FRMD4B: variants seen among roughly 807,000 people sequenced by gnomAD.
FRMD4B encodes FERM domain containing 4B, also known as FERM domain-containing protein 4B.
A neutral mutation model predicts 141.5 loss-of-function variants in FRMD4B; 74 were observed. The observed-to-expected ratio is 0.52, with a 90% confidence interval of 0.43 to 0.63. The LOEUF is 0.63. Among genes scored for constraint, FRMD4B ranks in the 30% least tolerant of loss-of-function variants. The probability of loss-of-function intolerance (pLI) is 0.00; values close to 1 mark genes in which losing one functional copy is unlikely to be tolerated. For missense variants in FRMD4B, 1,366 were observed against 1,253.4 expected, an observed-to-expected ratio of 1.09 and a Z score of -1.36; for synonymous variants, 506 against 467.9, an observed-to-expected ratio of 1.08 and a Z score of -1.05.
chr3:69,380,440 C>A (rs977219233), intron 1 of FRMD4B, among the ~76,000 whole-genome samples: 1 of 152,166 alleles, frequency 6.6e-6, no homozygotes, highest in African/African-American at 2.4e-5. Flanking sequence ...AGTATTAAAT[C>A]CTTTACATAA....
chr3:69,322,590 CTCTCTTT>C (rs1559804395), intron 1 of FRMD4B, among the ~76,000 whole-genome samples: 6 of 134,518 alleles, frequency 4.5e-5, no homozygotes, highest in Non-Finnish European at 4.9e-5. Context: ...ATTTTTCTCT[CTCTCTTT>C]TTTTTTTTTT....
intron 5 of FRMD4B, among the ~76,000 whole-genome samples, chr3:69,269,384 C>A (rs2093583960): frequency 6.6e-6 from 1 of 151,668 alleles, no homozygotes; most frequent in South Asian, 2.1e-4. Context: ...ATGTTATCAC[C>A]CTCCCCCTTC....
chr3:69,242,176 A>G (rs1454844091), intron 7 of FRMD4B, among the ~76,000 whole-genome samples: 3 of 152,190 alleles, frequency 2.0e-5, no homozygotes, highest in African/African-American at 4.8e-5. Context: ...CCACAGGTAC[A>G]TAACAAGTGG....
At chr3:69,446,935 G>A (rs148447529) in intron 1 of FRMD4B, among the ~76,000 whole-genome samples, 50 of 152,298 alleles carry the variant, frequency 3.3e-4, no homozygotes, top group Admixed American at 1.1e-3. Context: ...TGCTGGAAGT[G>A]AAGGGCTCAG....
intron 1 of FRMD4B, among the ~76,000 whole-genome samples, chr3:69,375,280 T>A (rs867062698): frequency 1.6e-4 from 23 of 143,712 alleles, no homozygotes; most frequent in African/African-American, 5.3e-4. Context: ...CATCCATCCA[T>A]CCATCCATCC....
At chr3:69,283,981 A>AAAAC (rs1288430009) in intron 5 of FRMD4B, among the ~76,000 whole-genome samples, 1 of 151,844 alleles carries the variant, frequency 6.6e-6, no homozygotes, top group African/African-American at 2.4e-5. Flanking sequence ...AAAACAAAAA[A>AAAAC]AACAAAAAAC....
chr3:69,440,161 T>TC (rs2106860043), intron 1 of FRMD4B, among the ~76,000 whole-genome samples: 1 of 152,340 alleles, frequency 6.6e-6, no homozygotes, highest in South Asian at 2.1e-4. Context: ...GATTCCTTTC[T>TC]CCCCATCTAA....
chr3:69,268,250 G>A (rs2093577320), intron 5 of FRMD4B, among the ~76,000 whole-genome samples: 2 of 151,946 alleles, frequency 1.3e-5, no homozygotes, highest in Admixed American at 1.3e-4. Flanking sequence ...AGACTGCCCT[G>A]GAAATGAGAG....
intron 1 of FRMD4B, among the ~76,000 whole-genome samples, chr3:69,379,171 A>C (rs767585244): frequency 1.8e-4 from 27 of 152,228 alleles, no homozygotes; most frequent in Admixed American, 1.4e-3. Flanking sequence ...GAATGAACAA[A>C]TGAATAAATC....
intron 1 of FRMD4B, among the ~76,000 whole-genome samples, chr3:69,320,344 A>C (rs1037088699): frequency 1.3e-5 from 2 of 152,138 alleles, no homozygotes; most frequent in Admixed American, 1.3e-4. Flanking sequence ...TGTAATCTCA[A>C]CACCTTGGGA....
intron 11 of FRMD4B, among the ~76,000 whole-genome samples, chr3:69,214,466 C>G (rs545282058): frequency 6.6e-6 from 1 of 152,250 alleles, no homozygotes; most frequent in South Asian, 2.1e-4. Context: ...ATGTCACTGT[C>G]ATACCAAAGG....
intron 4 of FRMD4B, among the ~76,000 whole-genome samples, chr3:69,299,136 C>T (rs956042253): frequency 7.9e-5 from 12 of 152,028 alleles, no homozygotes; most frequent in Admixed American, 5.9e-4. Context: ...CAGAACACAA[C>T]GTAGCAAAAC....
intron 2 of FRMD4B, among the ~76,000 whole-genome samples, chr3:69,402,281 G>A (rs1004837889): frequency 2.0e-5 from 3 of 152,172 alleles, no homozygotes; most frequent in Non-Finnish European, 4.4e-5. Flanking sequence ...AACTCTGGTT[G>A]AGCCATCTTG....
At chr3:69,201,652 T>C (rs2092968767) in intron 11 of FRMD4B, among the ~76,000 whole-genome samples, 1 of 152,192 alleles carries the variant, frequency 6.6e-6, no homozygotes, top group Non-Finnish European at 1.5e-5. Flanking sequence ...GTTTTTCTTT[T>C]GAAATTGCTG....
chr3:69,519,081 A>T (rs1419626942), intron 1 of FRMD4B, among the ~76,000 whole-genome samples: 1 of 152,208 alleles, frequency 6.6e-6, no homozygotes, highest in Non-Finnish European at 1.5e-5. Flanking sequence ...TGTGGGTTAT[A>T]TTCTGAGAAA....
intron 1 of FRMD4B, among the ~76,000 whole-genome samples, chr3:69,335,015 G>C (rs546076960): frequency 6.5e-4 from 99 of 152,280 alleles, no homozygotes; most frequent in South Asian, 2.9e-3. Flanking sequence ...CTGGGCCAGT[G>C]GTTCATACCT....
intron 16 of FRMD4B, among the ~76,000 whole-genome samples, chr3:69,194,501 T>C (rs1054128656): frequency 6.6e-5 from 10 of 152,234 alleles, no homozygotes; most frequent in South Asian, 2.1e-4. Flanking sequence ...ATGGTTATAT[T>C]GGCTGATGAC....
At chr3:69,528,295 CT>C (rs1700960690) in intron 1 of FRMD4B, among the ~76,000 whole-genome samples, 1 of 140,628 alleles carries the variant, frequency 7.1e-6, no homozygotes, top group East Asian at 2.2e-4. Flanking sequence ...CCTTTTCTTC[CT>C]TCCTTCCTTC....
chr3:69,424,976 T>C (rs1029316821), intron 2 of FRMD4B, among the ~76,000 whole-genome samples: 2 of 152,330 alleles, frequency 1.3e-5, no homozygotes, highest in Admixed American at 1.3e-4. Flanking sequence ...TATTTCTACC[T>C]ACCCGCAACC....
Sources: gnomAD v4.1 joint callset for allele counts (sites outside exome capture counted in the v4.1 genomes callset) on GRCh38, gnomAD v4.1.1 for gene constraint, MANE v1.5 for transcripts, NCBI Gene and HGNC (gene_info 2026-07-23, HGNC 2026-07-21) for gene names.